The following SLC44A2 variants were observed in gnomAD, a reference collection of about 807,000 sequenced individuals.
SLC44A2 encodes the protein choline transporter-like protein 2.
A neutral mutation model predicts 90.8 loss-of-function variants in SLC44A2; 57 were observed. That is an observed-to-expected ratio of 0.63 (90% CI 0.51 to 0.78). The LOEUF is 0.78. SLC44A2 is among the 30% of genes least tolerant of loss of function. The pLI, the probability that SLC44A2 is intolerant of heterozygous loss-of-function variation, is 0.00. For missense variants in SLC44A2, 794 were observed against 919.7 expected, an observed-to-expected ratio of 0.86 and a Z score of 1.77; for synonymous variants, 355 against 360.7, an observed-to-expected ratio of 0.98 and a Z score of 0.18.
chr19:10,643,294 G>T lies in SLC44A2; in HGVS notation c.2030G>T (p.Arg677Met). 1 of 1,611,854 alleles carries T rather than the reference G, an allele frequency of 6.2e-7. No individual in the cohort carries two copies. ...LFLCFLEDLE[R>M]NDGSAERPYF... ...CTCTCCACAGTGGAGGACCTGGAGA[G>T]GAATGACGGCTCGGCCGAGAGGCCT... The change falls in exon 22 of 22, where the codon AGG (arginine) becomes ATG (methionine). Residue 677 changes from arginine to methionine, a missense_variant. This residue lies in a region of SLC44A2 where 44 missense variants were observed against 43.9 expected (regional missense o/e 1.00). Transcript: ENST00000335757.
chr19:10,619,267 A>C (rs1418560215), intron 1 of SLC44A2, among the ~76,000 whole-genome samples: 2 of 151,330 alleles, frequency 1.3e-5, no homozygotes, highest in Non-Finnish European at 2.9e-5. Flanking sequence ...AGTCCCTACA[A>C]AAAAATATAA....
chr19:10,621,439 T>TGG (rs927832717), upstream of SLC44A2, among the ~76,000 whole-genome samples: 1 of 144,976 alleles, frequency 6.9e-6, no homozygotes. Context: ...TTTTTTTTTT[T>TGG]TTGGTTTTTG....
intron 1 of SLC44A2, among the ~76,000 whole-genome samples, chr19:10,612,738 C>A (rs1409690919): frequency 1.3e-5 from 2 of 152,232 alleles, no homozygotes; most frequent in Admixed American, 1.3e-4. Context: ...ATCGCCCACG[C>A]CCACTGCACT....
At chr19:10,633,835 T>C (rs2144867371) in intron 10 of SLC44A2, among the ~76,000 whole-genome samples, 1 of 152,248 alleles carries the variant, frequency 6.6e-6, no homozygotes, top group South Asian at 2.1e-4. Flanking sequence ...TAGTAAAATA[T>C]TCATATTAAT....
At chr19:10,614,493 A>C (rs1042618315) in intron 1 of SLC44A2, among the ~76,000 whole-genome samples, 1 of 152,018 alleles carries the variant, frequency 6.6e-6, no homozygotes, top group Non-Finnish European at 1.5e-5. Context: ...TCAGCCTCCC[A>C]AAATGCTGGG....
intron 1 of SLC44A2, among the ~76,000 whole-genome samples, chr19:10,614,219 G>A (rs537094514): frequency 6.6e-6 from 1 of 151,860 alleles, no homozygotes; most frequent in Non-Finnish European, 1.5e-5. Flanking sequence ...CACCTGCCTC[G>A]GCCTCCCAAA....
rs2066949825 is a variant in SLC44A2, at chr19:10,627,783, G to A, written c.148G>A (p.Val50Ile). The change falls in exon 3 of 22, where the codon GTA becomes ATA. Residue 50 changes from valine (V) to isoleucine (I), a missense_variant. Physicochemically the swap from Val to Ile is conservative, Grantham distance 29. This residue lies in a region of SLC44A2 where 738 missense variants were observed against 841.1 expected (regional missense o/e 0.88). Transcript: ENST00000335757. ...LLLAIVGYVA[V>I]GIIAWTHGDP... ...CCTGGCCATTGTGGGCTACGTGGCT[G>A]TAGGCATCATAGGTGAGTAGAGAAT... 2 of 1,613,976 alleles carry A rather than the reference G, an allele frequency of 1.2e-6. No homozygotes were observed. Among genetic ancestry groups the A allele is most frequent in the Non-Finnish European group, 1.7e-6 (2 of 1,180,034 alleles).
At chr19:10,636,049 T>G (rs1355598504) in intron 14 of SLC44A2, 5 of 458,158 alleles carry the variant, frequency 1.1e-5, no homozygotes, top group Non-Finnish European at 1.6e-5. Flanking sequence ...AGTGCTGGGA[T>G]TACAGGTGTG....
rs1062310 is a variant in SLC44A2 at position 10,644,281 on chromosome 19, C to T, written c.*896C>T. On this transcript the variant is annotated 3_prime_UTR_variant, in exon 22 of 22. Transcript: ENST00000335757. ...TCCTGGGCAAACCGGGCCCCTCTGC[C>T]CACACACCTCACTTGATCCTTTTGC... 6.6e-6 allele frequency: 1 copy of T among 152,628 alleles called. No homozygotes were observed. Among genetic ancestry groups the T allele is most frequent in the Non-Finnish European group, 1.5e-5 (1 of 68,064 alleles). The allele number at this position is 152,628 out of a possible 1,614,324, so 9.5% of individuals were successfully genotyped here. A position where few individuals can be genotyped will look rare whatever the true frequency, so the allele number is the denominator to read the frequency against.
At chr19:10,605,930 G>T (rs1264246585) in intron 1 of SLC44A2, among the ~76,000 whole-genome samples, 1 of 152,148 alleles carries the variant, frequency 6.6e-6, no homozygotes, top group East Asian at 1.9e-4. Flanking sequence ...GGAGGCAGAG[G>T]TTGCAGTGAG....
Position 10,632,052 on chromosome 19 carries a change from T to C in SLC44A2, c.719T>C (p.Val240Ala), listed in dbSNP as rs114324572. Residue 240 changes from valine (V) to alanine (A), a missense_variant, in exon 10 of 22, where the codon GTC becomes GCC. Physicochemically the swap from Val to Ala is moderately conservative, Grantham distance 64. Transcript: ENST00000335757. ...CGTTTTCTTTTCCCCAGAGGCCTGG[T>C]CATTGCCATGGCGATGAGCCTCCTG... Reference protein sequence around the residue: ...VSWYWIIIGLVIAMAMSLLFI... With the variant: ...VSWYWIIIGLAIAMAMSLLFI... The C allele has an allele frequency of 3.1e-6, 5 of 1,614,144 alleles. No individual in the cohort carries two copies. The highest frequency in any genetic ancestry group is 4.2e-6 in the Non-Finnish European group (5 of 1,180,012).
chr19:10,612,938 C>T (rs1396296170), intron 1 of SLC44A2, among the ~76,000 whole-genome samples: 3 of 152,234 alleles, frequency 2.0e-5, no homozygotes, highest in Non-Finnish European at 2.9e-5. Flanking sequence ...GGTTTGACTC[C>T]TGGCTGTGCT....
Position 10,638,156 on chromosome 19 carries a change from T to C in SLC44A2, c.1840+63T>C. 1.9e-6 allele frequency: 3 copies of C among 1,612,178 alleles called. No individual in the cohort carries two copies. In the South Asian group the frequency reaches 3.3e-5, roughly 18 times the overall value. On this transcript the variant is annotated intron_variant, in intron 19 of 21. Transcript: ENST00000335757. Reference sequence around the variant, plus strand: ...CCTGATTTCTGTCTTCTGTGATGAGTGTCATCTTCTTAGGAGGCTGTTTCC... The same window carrying C: ...CCTGATTTCTGTCTTCTGTGATGAGCGTCATCTTCTTAGGAGGCTGTTTCC...
chr19:10,604,284 C>T (rs1043367118), intron 1 of SLC44A2, among the ~76,000 whole-genome samples: 2 of 152,124 alleles, frequency 1.3e-5, no homozygotes, highest in African/African-American at 2.4e-5. Context: ...TTGAGCCAGC[C>T]GTGGGAAGAT....
At chr19:10,623,234 G>T (rs2066905283), upstream of SLC44A2, among the ~76,000 whole-genome samples, 1 of 152,108 alleles carries the variant, frequency 6.6e-6, no homozygotes, top group Non-Finnish European at 1.5e-5. Context: ...GCATGACCTG[G>T]CGCCTCAGGC....
rs2067060484 is a variant in SLC44A2 at position 10,636,732 on chromosome 19, GAGTACCTGGATC to G, written c.1570_1581del (p.Tyr524_Gln527del). ...TGTGCAGATCATCCGTGTGATACTC[GAGTACCTGGATC>G]AGCGGCTGAAAGGTACGTCCCACCC... On this transcript the variant is annotated inframe_deletion, in exon 16 of 22. Transcript: ENST00000335757. The G allele has an allele frequency of 6.2e-7, 1 of 1,613,640 alleles. No individual in the cohort carries two copies. The highest frequency in any genetic ancestry group is 1.3e-5 in the African/African-American group (1 of 74,868).
intron 1 of SLC44A2, among the ~76,000 whole-genome samples, chr19:10,609,862 A>G (rs555472436): frequency 5.4e-4 from 82 of 152,110 alleles, no homozygotes; most frequent in Non-Finnish European, 1.0e-3. Context: ...GCTGAAGGGC[A>G]GGGCACAATC....
At chr19:10,615,824 T>C (rs965000599) in intron 1 of SLC44A2, among the ~76,000 whole-genome samples, 4 of 151,982 alleles carry the variant, frequency 2.6e-5, no homozygotes, top group African/African-American at 9.7e-5. Context: ...TAGGCCTCAG[T>C]TGATCTGTCT....
At position 10,631,290 on chromosome 19, in the gene SLC44A2, T is replaced by C. The variant is rs2066991148; in HGVS notation, c.346T>C (p.Cys116Arg). The C allele has an allele frequency of 6.2e-7, 1 of 1,613,800 alleles. No homozygotes were observed. The change falls in exon 6 of 22, where the codon TGC becomes CGC. Residue 116 changes from cysteine (C) to arginine (R), a missense_variant. Physicochemically the swap from Cys to Arg is radical, Grantham distance 180. Coordinates refer to ENST00000335757, the MANE Select transcript of SLC44A2 (RefSeq NM_020428.4). The stretch of plus-strand genomic sequence containing the variant: ...CCCCTCCCAGATCTGCGTGGAAAAA[T>C]GCCCCGACCGCTACCTCACGTACCT... ...CPTPQICVEK[C>R]PDRYLTYLNA...
Sources: allele counts gnomAD v4.1 joint callset (sites outside exome capture counted in the v4.1 genomes callset), GRCh38; gene constraint gnomAD v4.1.1; regional missense constraint gnomAD v4.1.1; transcripts MANE v1.5; gene names NCBI Gene and HGNC (gene_info 2026-07-23, HGNC 2026-07-21).